The following RYR2 variants were observed in gnomAD, a reference collection of about 807,000 sequenced individuals.
The protein encoded by RYR2 is ryanodine receptor 2.
RYR2 carries 227 observed loss-of-function variants against 601.1 expected under a neutral mutation model. The observed-to-expected ratio is 0.38, with a 90% CI of 0.34 to 0.42. RYR2 has a LOEUF of 0.42. Among genes scored for constraint, RYR2 ranks in the 10% least tolerant of loss-of-function variants. The probability of loss-of-function intolerance (pLI) is 1.00; values close to 1 mark genes in which losing one functional copy is unlikely to be tolerated. For missense variants in RYR2, 4,646 were observed against 6,156.5 expected (o/e 0.75, Z 8.21); for synonymous variants, 2,223 against 2,175.1 (o/e 1.02, Z -0.61).
chr1:237,788,252 A>C (rs1657899523), intron 92 of RYR2, 117 bp downstream of exon 92: 2 of 732,932 alleles, frequency 2.7e-6, no homozygotes, highest in South Asian at 4.4e-5. Context: ...AGGTTAGTCC[A>C]GCACATGTTT....
At chr1:237,752,393 T>A (rs1356064011) in intron 80 of RYR2, among the ~76,000 whole-genome samples, 1 of 151,266 alleles carries the variant, frequency 6.6e-6, no homozygotes, top group Non-Finnish European at 1.5e-5. Flanking sequence ...CAAGCAGTCC[T>A]CCCACTTCAG....
chr1:237,651,143 T>G (rs1038259215), intron 50 of RYR2, among the ~76,000 whole-genome samples: 1 of 152,112 alleles, frequency 6.6e-6, no homozygotes, highest in South Asian at 2.1e-4. Flanking sequence ...TGTGAGTGGT[T>G]AGGAAAGAAA....
chr1:237,119,373 G>A (rs1343340591), intron 1 of RYR2, among the ~76,000 whole-genome samples: 1 of 152,172 alleles, frequency 6.6e-6, no homozygotes. Context: ...TGGTTAAGAT[G>A]GTCAGAGCAA....
chr1:237,581,806 A>G (rs1025327706), intron 29 of RYR2, among the ~76,000 whole-genome samples: 5 of 152,178 alleles, frequency 3.3e-5, no homozygotes, highest in Admixed American at 1.3e-4. Flanking sequence ...AGAGTAACTT[A>G]TTATTGGGAA....
chr1:237,547,692 C>T (rs1669968685), intron 25 of RYR2, among the ~76,000 whole-genome samples: 1 of 152,100 alleles, frequency 6.6e-6, no homozygotes, highest in African/African-American at 2.4e-5. Context: ...TATATGTGTG[C>T]ATTGAAAAGT....
chr1:237,792,386 T>TGCGC (rs1473198380), intron 94 of RYR2, 63 bp downstream of exon 94: 50 of 817,112 alleles, frequency 6.1e-5, no homozygotes, highest in South Asian at 5.3e-4. Context: ...TGTGTGCGTG[T>TGCGC]GTGTGTGTGT....
At chr1:237,775,509 C>T (rs755643567) in intron 87 of RYR2, among the ~76,000 whole-genome samples, 3 of 152,126 alleles carry the variant, frequency 2.0e-5, no homozygotes, top group Non-Finnish European at 2.9e-5. Flanking sequence ...TCATTAGCTT[C>T]GTGCTGCTTC....
intron 16 of RYR2, 25 bp from the exon 17 acceptor site, chr1:237,469,067 G>A (rs1572462453): frequency 6.3e-7 from 1 of 1,594,392 alleles, no homozygotes; most frequent in Non-Finnish European, 8.6e-7. Flanking sequence ...TCACATAAAG[G>A]TGAAATCTAT....
intron 10 of RYR2, among the ~76,000 whole-genome samples, chr1:237,401,806 C>T (rs575960888): frequency 6.6e-6 from 1 of 152,200 alleles, no homozygotes; most frequent in East Asian, 1.9e-4. Flanking sequence ...TTTATCTTTC[C>T]AGCATGGCCA....
intron 6 of RYR2, among the ~76,000 whole-genome samples, chr1:237,372,835 A>G (rs955279812): frequency 2.0e-5 from 3 of 152,236 alleles, no homozygotes; most frequent in African/African-American, 7.2e-5. Flanking sequence ...TTATACATTC[A>G]TTAAATAAAT....
intron 17 of RYR2, among the ~76,000 whole-genome samples, chr1:237,490,588 A>G (rs943417710): frequency 6.6e-6 from 1 of 152,160 alleles, no homozygotes; most frequent in Non-Finnish European, 1.5e-5. Context: ...CTCTTGTAGC[A>G]TTAGTTTCTG....
chr1:237,098,889 CTG>C (rs1172472751), intron 1 of RYR2, among the ~76,000 whole-genome samples: 1 of 152,136 alleles, frequency 6.6e-6, no homozygotes, highest in Non-Finnish European at 1.5e-5. Flanking sequence ...TTAGAGCAGA[CTG>C]TGCAAAATAT....
At chr1:237,683,501 A>G (rs369487196) in intron 62 of RYR2, among the ~76,000 whole-genome samples, 1 of 152,242 alleles carries the variant, frequency 6.6e-6, no homozygotes, top group East Asian at 1.9e-4. Context: ...ATGGAAATCA[A>G]GCCAGTCAAA....
chr1:237,434,804 C>G (rs1707177453), intron 12 of RYR2, among the ~76,000 whole-genome samples: 2 of 152,134 alleles, frequency 1.3e-5, no homozygotes, highest in African/African-American at 2.4e-5. Flanking sequence ...GACAGAGTCT[C>G]TCGCTCTGTC....
At chr1:237,603,248 G>A (rs998878998) in intron 35 of RYR2, among the ~76,000 whole-genome samples, 1 of 152,152 alleles carries the variant, frequency 6.6e-6, no homozygotes, top group Non-Finnish European at 1.5e-5. Context: ...TGGAATCCGC[G>A]GGGAAAGAAG....
intron 73 of RYR2, among the ~76,000 whole-genome samples, chr1:237,722,690 C>A (rs533426940): frequency 6.6e-6 from 1 of 152,284 alleles, no homozygotes; most frequent in African/African-American, 2.4e-5. Context: ...ACCTCGGCCT[C>A]CCAAAGTGCT....
intron 2 of RYR2, among the ~76,000 whole-genome samples, chr1:237,272,428 G>GA (rs1371833771): frequency 2.6e-5 from 4 of 151,460 alleles, no homozygotes; most frequent in African/African-American, 7.3e-5. Context: ...CTGTAAAGCT[G>GA]AAAAAAAGGC....
intron 2 of RYR2, among the ~76,000 whole-genome samples, chr1:237,318,031 A>C (rs1695276884): frequency 6.6e-6 from 1 of 151,990 alleles, no homozygotes; most frequent in Non-Finnish European, 1.5e-5. Flanking sequence ...GTATTCCTCC[A>C]TTCTTGCTTT....
At chr1:237,361,788 A>G (rs1699801203) in intron 4 of RYR2, among the ~76,000 whole-genome samples, 2 of 152,206 alleles carry the variant, frequency 1.3e-5, no homozygotes, top group Admixed American at 6.5e-5. Flanking sequence ...CATTACCTGA[A>G]TTATTGTTTC....
Sources: gnomAD v4.1 joint callset for allele counts (sites outside exome capture counted in the v4.1 genomes callset) on GRCh38, gnomAD v4.1.1 for gene constraint, MANE v1.5 for transcripts, NCBI Gene and HGNC (gene_info 2026-07-23, HGNC 2026-07-21) for gene names.